EFCAB14: variants seen among roughly 807,000 people sequenced by gnomAD.
EFCAB14 encodes the protein EF-hand calcium binding domain 14.
Under a neutral mutation model 56.5 loss-of-function variants are expected in EFCAB14, and 43 were observed. The ratio of observed to expected loss-of-function variants is 0.76; its 90% CI spans 0.60 to 0.98. The LOEUF is 0.98. EFCAB14 is among the 50% of genes least tolerant of loss of function. EFCAB14 has a pLI of 0.00. For missense variants in EFCAB14, 538 were observed against 580.3 expected (o/e 0.93, Z 0.75); for synonymous variants, 235 against 212.9 (o/e 1.10, Z -0.90).
chr1:46,700,982 A>AGTGTGTGTGTGT (rs1464542399), intron 3 of EFCAB14, among the ~76,000 whole-genome samples: 45 of 75,994 alleles, frequency 5.9e-4, no homozygotes, highest in Non-Finnish European at 6.7e-4. Context: ...AGAGAGAGTG[A>AGTGTGTGTGTGT]GTGAGTGTGT....
At chr1:46,682,338 C>T (rs1488577841) in intron 10 of EFCAB14, 1 of 152,200 alleles carries the variant, frequency 6.6e-6, no homozygotes, top group Non-Finnish European at 1.5e-5. Context: ...TGGACAGGAG[C>T]AAGTGATTTG....
chr1:46,683,962 A>G (rs181953488), intron 9 of EFCAB14, among the ~76,000 whole-genome samples: 1 of 152,332 alleles, frequency 6.6e-6, no homozygotes, highest in East Asian at 1.9e-4. Flanking sequence ...GAAAAGGTCA[A>G]AGCTAACACA....
chr1:46,682,126 G>A (rs1676805476), intron 10 of EFCAB14: 1 of 152,182 alleles, frequency 6.6e-6, no homozygotes, highest in Admixed American at 6.5e-5. Flanking sequence ...TAGGGGCTGG[G>A]AGTAAACAAG....
intron 4 of EFCAB14, among the ~76,000 whole-genome samples, chr1:46,695,441 G>C (rs1221276928): frequency 1.3e-5 from 2 of 152,152 alleles, no homozygotes; most frequent in Non-Finnish European, 2.9e-5. Flanking sequence ...AGCACACACA[G>C]ATGGTGTGGC....
In EFCAB14 at chr1:46,718,600, G is replaced by A. The variant is rs1023480307; in HGVS notation, c.-513C>T. Reference sequence around the variant, plus strand: ...GGGGAGGTGCAGAGTAAGAAAGTGGGAACGCGTCAGTCCCTTCCTTGCAGG... The same window carrying A: ...GGGGAGGTGCAGAGTAAGAAAGTGGAAACGCGTCAGTCCCTTCCTTGCAGG... On this transcript the variant is annotated 5_prime_UTR_variant, in exon 1 of 11. Coordinates refer to ENST00000371933, the MANE Select transcript of EFCAB14 (RefSeq NM_014774.3). 1.3e-5 allele frequency: 2 copies of A among 152,834 alleles called. No individual in the cohort carries two copies. The highest frequency in any genetic ancestry group is 6.5e-5 in the Admixed American group (1 of 15,326). 9.5% of individuals were successfully genotyped at this position (152,834 alleles called of 1,614,324 possible).
chr1:46,716,431 T>A lies in EFCAB14; in HGVS notation c.198A>T (p.Leu66Phe). 1 of 1,613,976 alleles carries A rather than the reference T, an allele frequency of 6.2e-7. No individual in the cohort carries two copies. The highest frequency in any genetic ancestry group is 8.5e-7 in the Non-Finnish European group (1 of 1,179,990). Residue 66 changes from leucine to phenylalanine, a missense_variant, in exon 2 of 11, where the codon TTA (leucine) becomes TTT (phenylalanine). Transcript: ENST00000371933. ...GCGGATAACAGATCTTGCAGCATCG[T>A]AAATAGTCTCCCCTGCTCAAGAGGA... The part of the protein sequence containing the change: ...NRSRFAKGDY[L>F]RCCKICYPLC...
intron 9 of EFCAB14, among the ~76,000 whole-genome samples, chr1:46,683,853 G>A (rs977147248): frequency 6.6e-6 from 1 of 152,218 alleles, no homozygotes; most frequent in Non-Finnish European, 1.5e-5. Context: ...GTAGCACAAT[G>A]TTAGGACAAG....
intron 4 of EFCAB14, among the ~76,000 whole-genome samples, chr1:46,693,710 C>T (rs1278765339): frequency 1.3e-5 from 2 of 151,504 alleles, no homozygotes; most frequent in Non-Finnish European, 2.9e-5. Flanking sequence ...TTTCTTTTTT[C>T]CCCTAAGGAA....
intron 2 of EFCAB14, among the ~76,000 whole-genome samples, chr1:46,710,275 A>G (rs1677290372): frequency 6.6e-6 from 1 of 152,212 alleles, no homozygotes; most frequent in African/African-American, 2.4e-5. Flanking sequence ...CCATACATGT[A>G]ATGTATAGTG....
At chr1:46,691,260 T>C (rs1676986681) in intron 5 of EFCAB14, among the ~76,000 whole-genome samples, 1 of 152,100 alleles carries the variant, frequency 6.6e-6, no homozygotes, top group African/African-American at 2.4e-5. Context: ...ATTAAGTATT[T>C]CTCATGATTC....
chr1:46,683,450 T>C (rs768707245), intron 9 of EFCAB14, 25 bp from the exon 10 acceptor site: 15 of 1,607,134 alleles, frequency 9.3e-6, no homozygotes, highest in African/African-American at 6.7e-5. Flanking sequence ...TAAGGTTTTA[T>C]TTAGTATTAT....
chr1:46,683,194 T>C, intron 10 of EFCAB14, 106 bp downstream of exon 10: 1 of 1,306,274 alleles, frequency 7.7e-7, no homozygotes, highest in Non-Finnish European at 1.1e-6. Context: ...ACTTGATATC[T>C]CCTCAATAAA....
intron 10 of EFCAB14, 125 bp from the exon 11 acceptor site, chr1:46,678,761 G>T (rs1387266990): frequency 6.7e-6 from 5 of 742,658 alleles, no homozygotes; most frequent in South Asian, 2.3e-5. Context: ...TTTCCAAATG[G>T]TAAAGTTTAG....
chr1:46,716,411 T>A lies in EFCAB14; in HGVS notation c.218A>T (p.Tyr73Phe), dbSNP rs373866464. The change falls in exon 2 of 11, where the codon TAT (tyrosine) becomes TTT (phenylalanine). Residue 73 changes from tyrosine to phenylalanine, a missense_variant. Tyr to Phe is a conservative substitution (Grantham distance 22). Coordinates refer to ENST00000371933, the MANE Select transcript of EFCAB14 (RefSeq NM_014774.3). ...GDYLRCCKIC[Y>F]PLCGFVILAA... ...AAGGATGACAAAACCACAGAGCGGATAACAGATCTTGCAGCATCGTAAATA... is the reference window on the plus strand; with the variant it reads ...AAGGATGACAAAACCACAGAGCGGAAAACAGATCTTGCAGCATCGTAAATA... 4 of 1,613,976 alleles carry A rather than the reference T, an allele frequency of 2.5e-6. No homozygotes were observed. Among genetic ancestry groups the A allele is most frequent in the African/African-American group, 1.3e-5 (1 of 74,876 alleles).
intron 10 of EFCAB14, among the ~76,000 whole-genome samples, chr1:46,683,037 T>C (rs976536219): frequency 4.6e-5 from 7 of 152,298 alleles, no homozygotes; most frequent in South Asian, 4.1e-4. Flanking sequence ...CATCAGACTG[T>C]CTTGGTTTGC....
At chr1:46,706,002 C>T (rs1237459748) in intron 3 of EFCAB14, among the ~76,000 whole-genome samples, 1 of 151,768 alleles carries the variant, frequency 6.6e-6, no homozygotes, top group Non-Finnish European at 1.5e-5. Context: ...GTTACTGGGA[C>T]TAAAGGTGTA....
intron 10 of EFCAB14, among the ~76,000 whole-genome samples, chr1:46,681,663 G>T (rs1046305344): frequency 1.3e-5 from 2 of 149,222 alleles, no homozygotes; most frequent in African/African-American, 4.9e-5. Flanking sequence ...GAAGAGTTCT[G>T]TTTTTTTTTT....
chr1:46,712,402 C>T (rs1242616364), intron 2 of EFCAB14, among the ~76,000 whole-genome samples: 3 of 151,016 alleles, frequency 2.0e-5, no homozygotes, highest in African/African-American at 7.3e-5. Context: ...TTTGAAGTAT[C>T]TGGTTTTGGA....
chr1:46,705,446 G>A (rs1172973319), intron 3 of EFCAB14, among the ~76,000 whole-genome samples: 2 of 152,120 alleles, frequency 1.3e-5, no homozygotes, highest in African/African-American at 4.8e-5. Flanking sequence ...TAACGTTGAT[G>A]GGAAAAAAAT....
Sources: allele counts gnomAD v4.1 joint callset (sites outside exome capture counted in the v4.1 genomes callset), GRCh38; gene constraint gnomAD v4.1.1; transcripts MANE v1.5; gene names NCBI Gene and HGNC (gene_info 2026-07-23, HGNC 2026-07-21).